Variants in GLI3 observed in about 807,000 individuals in gnomAD.
GLI3 encodes the protein transcription activator GLI3.
In GLI3, 20 loss-of-function variants were observed where a neutral mutation model predicts 100.8. The observed-to-expected ratio is 0.20, with a 90% CI of 0.14 to 0.29. The LOEUF (loss-of-function observed/expected upper bound fraction) is 0.29. Ranked by LOEUF, GLI3 falls within the 10% of genes least tolerant of loss-of-function variation. The pLI is 1.00. For missense variants in GLI3, 2,040 were observed against 2,128.5 expected (o/e 0.96, Z 0.82); for synonymous variants, 938 against 860.5 (o/e 1.09, Z -1.58).
At chr7:42,239,891 A>C (rs1409730379), upstream of GLI3, among the ~76,000 whole-genome samples, 2 of 152,214 alleles carry the variant, frequency 1.3e-5, no homozygotes, top group South Asian at 2.1e-4. Flanking sequence ...TGGGTTAAAT[A>C]ATGTCATAAT....
At position 41,972,411 on chromosome 7, in the gene GLI3, G is replaced by C; in HGVS notation, c.2029C>G (p.Gln677Glu). ...RPTQGALGEQ[Q>E]DLSNTTSKRE... ...TTTGAGGTAGTGTTGCTGAGGTCCTGCTGCTCACCAAGGGCTCCCTGAGTC... is the reference window on the plus strand; with the variant it reads ...TTTGAGGTAGTGTTGCTGAGGTCCTCCTGCTCACCAAGGGCTCCCTGAGTC... Residue 677 changes from glutamine (Q) to glutamate (E), a missense_variant, in exon 13 of 15, where the codon CAG (glutamine) becomes GAG (glutamate). Coordinates refer to ENST00000395925, the MANE Select transcript of GLI3 (RefSeq NM_000168.6). The surrounding 1 kb of genome is among the most constrained non-coding windows in gnomAD (Gnocchi z 4.4). 1.2e-6 allele frequency: 2 copies of C among 1,613,958 alleles called. No individual in the cohort carries two copies. The highest frequency in any genetic ancestry group is 1.7e-6 in the Non-Finnish European group (2 of 1,179,992).
chr7:42,251,596 GAAGA>G (rs1789033161), intron 1 of GLI3, among the ~76,000 whole-genome samples: 1 of 152,132 alleles, frequency 6.6e-6, no homozygotes, highest in South Asian at 2.1e-4. Context: ...AGCAGAGAGA[GAAGA>G]AAGAGGGAGA....
chr7:42,131,738 T>C (rs958226109), intron 3 of GLI3, among the ~76,000 whole-genome samples: 1 of 152,140 alleles, frequency 6.6e-6, no homozygotes, highest in East Asian at 1.9e-4. Context: ...CGTTTTGCTA[T>C]GAAAAGCTGA....
intron 3 of GLI3, among the ~76,000 whole-genome samples, chr7:42,094,958 C>G (rs1272866090): frequency 6.6e-6 from 1 of 152,142 alleles, no homozygotes; most frequent in African/African-American, 2.4e-5. Flanking sequence ...GAGCAGTGGG[C>G]AGAGGACTAG....
Position 41,965,394 on chromosome 7 carries a change from C to T in GLI3, c.3679G>A (p.Glu1227Lys). 9 of 1,611,840 alleles carry T rather than the reference C, an allele frequency of 5.6e-6. No individual in the cohort carries two copies. The highest frequency in any genetic ancestry group is 7.6e-6 in the Non-Finnish European group (9 of 1,179,118). Residue 1227 changes from glutamate to lysine, a missense_variant, in exon 15 of 15, where the codon GAG (glutamate) becomes AAG (lysine). Around this residue, in one of 5 missense-constraint regions of GLI3, gnomAD observed 1,041 missense variants for 924.0 expected, o/e 1.13. Coordinates refer to ENST00000395925, the MANE Select transcript of GLI3 (RefSeq NM_000168.6). ...GGGCTGTTGTGGAGCATCAAGTGCTCTGGGCCACCGTAGGGGTTGCTGTTC... is the reference window on the plus strand; with the variant it reads ...GGGCTGTTGTGGAGCATCAAGTGCTTTGGGCCACCGTAGGGGTTGCTGTTC... ...GENSNPYGGP[E>K]HLMLHNSPGS...
At chr7:42,254,719 G>A (rs1043941846) in intron 1 of GLI3, among the ~76,000 whole-genome samples, 2 of 151,712 alleles carry the variant, frequency 1.3e-5, no homozygotes, top group Non-Finnish European at 2.9e-5. Flanking sequence ...CCTAGATCCT[G>A]GGTTCAAACC....
Position 41,993,337 on chromosome 7 carries a change from T to C in GLI3, c.1498-14589A>G, listed in dbSNP as rs144593686. Among the ~76,000 whole-genome samples, 55 of 152,264 alleles carry C rather than the reference T, an allele frequency of 3.6e-4. 1 individual carries two copies. In the East Asian group the frequency reaches 8.1e-3, roughly 22 times the overall value. On this transcript the variant is annotated intron_variant, in intron 10 of 14. Transcript: ENST00000395925. Reference sequence around the variant, plus strand: ...CTAGGATGGGGTCACTGAGCGAGGATAACTTGACCTCTGGCAGTCCTTCTT... The same window carrying C: ...CTAGGATGGGGTCACTGAGCGAGGACAACTTGACCTCTGGCAGTCCTTCTT...
At chr7:42,250,668 T>A (rs1393696178) in intron 1 of GLI3, among the ~76,000 whole-genome samples, 5 of 152,138 alleles carry the variant, frequency 3.3e-5, no homozygotes, top group Non-Finnish European at 7.4e-5. Context: ...AACACCAAAG[T>A]GCTCTAACCT....
chr7:42,075,083 G>A (rs2237415), intron 4 of GLI3, among the ~76,000 whole-genome samples: 74,227 of 151,894 alleles, frequency 0.49, 18,403 homozygotes, highest in East Asian at 0.55. Flanking sequence ...AACACACAGT[G>A]GGGGCTACAG....
chr7:42,055,092 TATACACATATATGTATATATACAC>T (rs1484742273), intron 4 of GLI3, among the ~76,000 whole-genome samples: 2 of 135,222 alleles, frequency 1.5e-5, no homozygotes, highest in African/African-American at 6.8e-5. Context: ...TATATACATA[TATACACATATATGTATATATACAC>T]ATATATATAC....
At chr7:41,991,789 G>C (rs533016210) in intron 10 of GLI3, among the ~76,000 whole-genome samples, 1 of 152,290 alleles carries the variant, frequency 6.6e-6, no homozygotes, top group South Asian at 2.1e-4. Flanking sequence ...AAGAAAGGGA[G>C]GCTGACACAG....
chr7:42,057,601 T>C lies in GLI3; in HGVS notation c.474-8905A>G, dbSNP rs185664367. Among the ~76,000 whole-genome samples the C allele has an allele frequency of 2.8e-3, 424 of 152,230 alleles. 2 individuals are homozygous for C. Among genetic ancestry groups the C allele is most frequent in the African/African-American group, 9.8e-3 (408 of 41,548 alleles). The stretch of plus-strand genomic sequence containing the variant: ...TATCAACAGTAGAATGGACAAATAA[T>C]GCATACAATGAAACAGTAAACAGCT... On this transcript the variant is annotated intron_variant, in intron 4 of 14. Transcript: ENST00000395925.
chr7:42,224,789 G>GC (rs1788553055), intron 1 of GLI3, among the ~76,000 whole-genome samples: 1 of 152,200 alleles, frequency 6.6e-6, no homozygotes, highest in Non-Finnish European at 1.5e-5. Flanking sequence ...CCTGCATGGC[G>GC]CCCCCTGGGG....
chr7:42,263,525 C>A (rs1583681012), intron 1 of GLI3, among the ~76,000 whole-genome samples: 1 of 151,940 alleles, frequency 6.6e-6, no homozygotes, highest in Non-Finnish European at 1.5e-5. Flanking sequence ...CTGTTCACTG[C>A]AACCTCCTCC....
chr7:41,972,732 A>G lies in GLI3; in HGVS notation c.1813-105T>C. 2.2e-6 allele frequency: 2 copies of G among 919,344 alleles called. No individual in the cohort carries two copies. The highest frequency in any genetic ancestry group is 3.4e-6 in the Non-Finnish European group (2 of 582,046). 56.9% of individuals were successfully genotyped at this position (919,344 alleles called of 1,614,324 possible). A position where few individuals can be genotyped will look rare whatever the true frequency, so the allele number is the denominator to read the frequency against. Reference sequence around the variant, plus strand: ...TCATTACATTTTTAATCCTTTCAAAACACTTTCACAAGGCTTTGAGGTGTT... The same window carrying G: ...TCATTACATTTTTAATCCTTTCAAAGCACTTTCACAAGGCTTTGAGGTGTT... On this transcript the variant is annotated intron_variant, in intron 12 of 14. Transcript: ENST00000395925. The surrounding 1 kb of genome is among the most constrained non-coding windows in gnomAD (Gnocchi z 4.4).
intron 2 of GLI3, among the ~76,000 whole-genome samples, chr7:42,171,258 G>C (rs1484290124): frequency 6.6e-6 from 1 of 152,168 alleles, no homozygotes; most frequent in Non-Finnish European, 1.5e-5. Flanking sequence ...TCACGAAATA[G>C]ACATTTAGCA....
At chr7:42,102,711 G>A (rs1306864009) in intron 3 of GLI3, among the ~76,000 whole-genome samples, 5 of 152,146 alleles carry the variant, frequency 3.3e-5, no homozygotes, top group Admixed American at 1.3e-4. Flanking sequence ...GCTATAAGAC[G>A]TAAATTATCT....
At chr7:42,128,027 A>AAAAAAAAG (rs1554331514) in intron 3 of GLI3, among the ~76,000 whole-genome samples, 2 of 146,970 alleles carry the variant, frequency 1.4e-5, no homozygotes, top group Non-Finnish European at 3.0e-5. Flanking sequence ...TCAAAAAAAA[A>AAAAAAAAG]AAAAAGAAAA....
intron 10 of GLI3, among the ~76,000 whole-genome samples, chr7:42,016,698 C>CACT (rs974886517): frequency 2.0e-5 from 3 of 152,072 alleles, no homozygotes; most frequent in African/African-American, 7.2e-5. Context: ...TCATCATCAT[C>CACT]ACCACCATCA....
Sources: allele counts gnomAD v4.1 joint callset (sites outside exome capture counted in the v4.1 genomes callset), GRCh38; gene constraint gnomAD v4.1.1; regional missense constraint gnomAD v4.1.1; non-coding constraint Gnocchi (gnomAD v3.1); transcripts MANE v1.5; gene names NCBI Gene and HGNC (gene_info 2026-07-23, HGNC 2026-07-21).